CASD1: variants seen among roughly 807,000 people sequenced by gnomAD.
CASD1 encodes N-acetylneuraminate (7)9-O-acetyltransferase.
Under a neutral mutation model 100.0 loss-of-function variants are expected in CASD1, and 41 were observed. The observed-to-expected ratio is 0.41, with a 90% CI of 0.32 to 0.53. CASD1 has a LOEUF of 0.53. Among genes scored for constraint, CASD1 ranks in the 20% least tolerant of loss-of-function variants. The pLI, the probability that CASD1 is intolerant of heterozygous loss-of-function variation, is 0.25. For synonymous variants in CASD1, 321 were observed against 315.6 expected (o/e 1.02, Z -0.18); for missense variants, 774 against 948.7 (o/e 0.82, Z 2.42).
At chr7:94,528,588 G>A (rs1018963728) in intron 5 of CASD1, among the ~76,000 whole-genome samples, 1 of 152,028 alleles carries the variant, frequency 6.6e-6, no homozygotes, top group Non-Finnish European at 1.5e-5. Flanking sequence ...GCATTTTTCT[G>A]TTTTCTCCTT....
chr7:94,611,044 C>T, the CASD1 span, among the ~76,000 whole-genome samples: 3 of 152,146 alleles, frequency 2.0e-5, no homozygotes, highest in Non-Finnish European at 4.4e-5. Context: ...TCCTATTTTG[C>T]TGGTGGAAAT....
downstream of CASD1, among the ~76,000 whole-genome samples, chr7:94,557,620 T>C (rs550191044): frequency 6.6e-6 from 1 of 152,238 alleles, no homozygotes; most frequent in African/African-American, 2.4e-5. Flanking sequence ...AGCACTTATG[T>C]CTTCAGTAGG....
At chr7:94,604,967 G>T in the CASD1 span, among the ~76,000 whole-genome samples, 6 of 150,892 alleles carry the variant, frequency 4.0e-5, no homozygotes, top group African/African-American at 1.2e-4. Flanking sequence ...CTGAGGCATA[G>T]GTTCACTAAA....
chr7:94,552,451 T>G, intron 16 of CASD1, 24 bp downstream of exon 16: 2 of 1,527,830 alleles, frequency 1.3e-6, no homozygotes, highest in Non-Finnish European at 1.8e-6. Context: ...TTAGAGAAAT[T>G]TCTACATCTT....
intron 1 of CASD1, among the ~76,000 whole-genome samples, chr7:94,517,271 T>C (rs1324378915): frequency 6.6e-6 from 1 of 152,150 alleles, no homozygotes; most frequent in Non-Finnish European, 1.5e-5. Flanking sequence ...AATTTAAGGT[T>C]GAGATAATGT....
At chr7:94,557,443 T>C (rs1359392772), downstream of CASD1, among the ~76,000 whole-genome samples, 1 of 152,106 alleles carries the variant, frequency 6.6e-6, no homozygotes, top group East Asian at 1.9e-4. Context: ...AGTATAGTTA[T>C]AAATCAAAAA....
At chr7:94,548,745 G>C (rs1229446787) in intron 13 of CASD1, among the ~76,000 whole-genome samples, 1 of 151,594 alleles carries the variant, frequency 6.6e-6, no homozygotes, top group African/African-American at 2.4e-5. Flanking sequence ...TTATGCCGTA[G>C]CATTAGGTCT....
intron 17 of CASD1, among the ~76,000 whole-genome samples, chr7:94,555,055 C>G (rs1001921848): frequency 6.6e-6 from 1 of 151,992 alleles, no homozygotes; most frequent in Admixed American, 6.6e-5. Flanking sequence ...GTGTAAGATA[C>G]ATAATATGAA....
At chr7:94,626,325 C>T in the CASD1 span, 4 of 151,900 alleles carry the variant, frequency 2.6e-5, no homozygotes, top group African/African-American at 9.7e-5. Flanking sequence ...ATATTTAGGT[C>T]TTACTTAACA....
chr7:94,593,645 C>G, the CASD1 span, among the ~76,000 whole-genome samples: 1 of 152,086 alleles, frequency 6.6e-6, no homozygotes, highest in East Asian at 1.9e-4. Context: ...ATCTCTCAAC[C>G]TCTCCACACC....
chr7:94,603,486 A>C, the CASD1 span: 1 of 1,600,954 alleles, frequency 6.2e-7, no homozygotes, highest in South Asian at 1.1e-5. Flanking sequence ...GTTATCCTTT[A>C]AGAAAATTGA....
At chr7:94,527,338 T>G in intron 4 of CASD1, 132 bp downstream of exon 4, 1 of 654,926 alleles carries the variant, frequency 1.5e-6, no homozygotes, top group Non-Finnish European at 2.6e-6. Context: ...AATAAAAGTT[T>G]GTGTGAGTTA....
chr7:94,616,596 A>AATCATAAT, the CASD1 span, among the ~76,000 whole-genome samples: 1 of 152,208 alleles, frequency 6.6e-6, no homozygotes, highest in East Asian at 1.9e-4. Flanking sequence ...GTGAATTAAA[A>AATCATAAT]ATCATAATAT....
the CASD1 span, among the ~76,000 whole-genome samples, chr7:94,582,310 G>GT: frequency 6.6e-6 from 1 of 152,178 alleles, no homozygotes; most frequent in East Asian, 1.9e-4. Context: ...TAGAGATGGG[G>GT]TTTTACCATG....
intron 10 of CASD1, among the ~76,000 whole-genome samples, chr7:94,542,213 T>C (rs777217170): frequency 1.3e-5 from 2 of 152,156 alleles, no homozygotes; most frequent in African/African-American, 2.4e-5. Flanking sequence ...GACATCTGTT[T>C]TCAAATATTT....
chr7:94,613,235 C>T, the CASD1 span, among the ~76,000 whole-genome samples: 5 of 152,286 alleles, frequency 3.3e-5, no homozygotes, highest in South Asian at 2.1e-4. Context: ...AGTTTGAACA[C>T]ACTGGCTTTT....
At chr7:94,595,691 A>T in the CASD1 span, among the ~76,000 whole-genome samples, 1 of 152,134 alleles carries the variant, frequency 6.6e-6, no homozygotes, top group Non-Finnish European at 1.5e-5. Flanking sequence ...TTTAAAACAT[A>T]GCTGTTTTTC....
chr7:94,601,476 A>AAAAAAAC, the CASD1 span, among the ~76,000 whole-genome samples: 2 of 134,946 alleles, frequency 1.5e-5, no homozygotes, highest in African/African-American at 2.7e-5. Context: ...AAAAAAAAAA[A>AAAAAAAC]CTACAACAGT....
At chr7:94,524,629 A>G (rs1794462958) in intron 3 of CASD1, among the ~76,000 whole-genome samples, 1 of 152,140 alleles carries the variant, frequency 6.6e-6, no homozygotes, top group Non-Finnish European at 1.5e-5. Context: ...GGATCTATGG[A>G]ACAATTAGGG....
Sources: allele counts gnomAD v4.1 joint callset (sites outside exome capture counted in the v4.1 genomes callset), GRCh38; gene constraint gnomAD v4.1.1; transcripts MANE v1.5; gene names NCBI Gene and HGNC (gene_info 2026-07-23, HGNC 2026-07-21).